The following ELOVL5 variants were observed in gnomAD, a reference collection of about 807,000 sequenced individuals.
ELOVL5 encodes the protein very long chain fatty acid elongase 5.
A neutral mutation model predicts 38.6 loss-of-function variants in ELOVL5; 8 were observed. That is an observed-to-expected ratio of 0.21 (90% CI 0.12 to 0.37). The LOEUF is 0.37. ELOVL5 is among the 10% of genes least tolerant of loss of function. The pLI is 1.00. For synonymous variants in ELOVL5, 127 were observed against 133.7 expected, an observed-to-expected ratio of 0.95 and a Z score of 0.34; for missense variants, 280 against 367.8, an observed-to-expected ratio of 0.76 and a Z score of 1.95.
At position 53,327,264 on chromosome 6, in the gene ELOVL5, G is replaced by A. The variant is rs138068420; in HGVS notation, c.-9+21553C>T. 3.8e-3 allele frequency among the ~76,000 whole-genome samples: 582 copies of A among 152,146 alleles called. 2 individuals carry two copies. The highest frequency in any genetic ancestry group is 0.012 in the African/African-American group (514 of 41,490). On this transcript the variant is annotated intron_variant, in intron 1 of 7. Transcript: ENST00000304434. Reference sequence around the variant, plus strand: ...CTGATGCCCAACCTACCCCTGTGGTGCCTCACTGCTAGGTAAATCCAACAA... The same window carrying A: ...CTGATGCCCAACCTACCCCTGTGGTACCTCACTGCTAGGTAAATCCAACAA...
chr6:53,320,845 C>T (rs1041896859), intron 1 of ELOVL5, among the ~76,000 whole-genome samples: 26 of 152,084 alleles, frequency 1.7e-4, no homozygotes, highest in Admixed American at 1.1e-3. Context: ...CCTTAGAAAC[C>T]GGCTTATTAT....
At chr6:53,310,634 GC>G (rs1767792893) in intron 1 of ELOVL5, among the ~76,000 whole-genome samples, 2 of 152,092 alleles carry the variant, frequency 1.3e-5, no homozygotes, top group South Asian at 4.2e-4. Context: ...ACAGGGTCTC[GC>G]TCTGTTCCCA....
chr6:53,336,004 C>G (rs996878630), intron 1 of ELOVL5, among the ~76,000 whole-genome samples: 26 of 152,310 alleles, frequency 1.7e-4, no homozygotes, highest in African/African-American at 6.3e-4. Flanking sequence ...ATAAGAGATA[C>G]ACACTTCTAC....
chr6:53,318,542 T>A (rs1204806632), intron 1 of ELOVL5, among the ~76,000 whole-genome samples: 2 of 152,226 alleles, frequency 1.3e-5, no homozygotes, highest in Non-Finnish European at 2.9e-5. Flanking sequence ...ACTTCCAGCC[T>A]GGGCAAAACG....
rs145535432 is a variant in ELOVL5, at chr6:53,296,824, G to A, written c.-8-1117C>T. Reference sequence around the variant, plus strand: ...CAGGAATAATCATCAATATTATAACGTCCAAGGGCAAAGGCAGAACTGATT... The same window carrying A: ...CAGGAATAATCATCAATATTATAACATCCAAGGGCAAAGGCAGAACTGATT... On this transcript the variant is annotated intron_variant, in intron 1 of 7. Transcript: ENST00000304434. 7.3e-3 allele frequency among the ~76,000 whole-genome samples: 1,113 copies of A among 152,144 alleles called. 10 individuals carry two copies. The highest frequency in any genetic ancestry group is 0.011 in the Admixed American group (166 of 15,276).
chr6:53,295,345 C>A (rs569612747), intron 2 of ELOVL5, among the ~76,000 whole-genome samples: 3 of 152,238 alleles, frequency 2.0e-5, no homozygotes, highest in Admixed American at 2.0e-4. Context: ...ACTAGTTTTT[C>A]TTAAAGACTG....
In ELOVL5 at chr6:53,269,156, C is replaced by A. The variant is rs146646780; in HGVS notation, c.871G>T (p.Val291Leu). 15 of 1,613,800 alleles carry A rather than the reference C, an allele frequency of 9.3e-6. No homozygotes were observed. Among genetic ancestry groups the A allele is most frequent in the Non-Finnish European group, 1.2e-5 (14 of 1,179,914 alleles). Reference protein sequence around the residue: ...TNSFSPLENNVKPRKLRKD With the variant: ...TNSFSPLENNLKPRKLRKD ...TCCTTCCGCAGCTTCCTTGGCTTCA[C>A]ATTGTTTTCCAGGGGTGAAAAGCTG... is the stretch of plus-strand genomic sequence containing the variant. The change falls in exon 8 of 8, where the codon GTG (valine) becomes TTG (leucine). Residue 291 changes from valine (V) to leucine (L), a missense_variant. Val to Leu is a conservative substitution (Grantham distance 32). Transcript: ENST00000304434.
chr6:53,294,595 T>C (rs776227727), intron 2 of ELOVL5: 5 of 1,384,620 alleles, frequency 3.6e-6, no homozygotes, highest in Non-Finnish European at 3.8e-6. Flanking sequence ...TGCAAGCTAA[T>C]AATTATTATT....
Position 53,298,253 on chromosome 6 carries a change from G to A in ELOVL5, c.-8-2546C>T, listed in dbSNP as rs147707795. 2.6e-3 allele frequency among the ~76,000 whole-genome samples: 402 copies of A among 152,302 alleles called. 8 individuals are homozygous for A. The highest frequency in any genetic ancestry group is 9.3e-3 in the African/African-American group (386 of 41,552). ...CAGCCAAATGAAAGGAAATAAGGAGGAACAAGGTCATAAAGGCTATGACTA... is the reference window on the plus strand; with the variant it reads ...CAGCCAAATGAAAGGAAATAAGGAGAAACAAGGTCATAAAGGCTATGACTA... On this transcript the variant is annotated intron_variant, in intron 1 of 7. Coordinates refer to ENST00000304434, the MANE Select transcript of ELOVL5 (RefSeq NM_021814.5).
chr6:53,328,825 C>T (rs373659967), intron 1 of ELOVL5, among the ~76,000 whole-genome samples: 3 of 152,170 alleles, frequency 2.0e-5, no homozygotes, highest in African/African-American at 7.2e-5. Flanking sequence ...TTAATCTCTT[C>T]GTTTACTCCT....
At chr6:53,289,470 G>A (rs1235733840) in intron 3 of ELOVL5, among the ~76,000 whole-genome samples, 2 of 152,228 alleles carry the variant, frequency 1.3e-5, no homozygotes, top group African/African-American at 4.8e-5. Flanking sequence ...TGTAATCCCT[G>A]CACTTTGGGA....
At chr6:53,330,915 C>T (rs1768774246) in intron 1 of ELOVL5, among the ~76,000 whole-genome samples, 1 of 152,132 alleles carries the variant, frequency 6.6e-6, no homozygotes, top group Admixed American at 6.5e-5. Flanking sequence ...TACATCTTGT[C>T]CCACTGGAAG....
At chr6:53,313,352 T>C (rs1028871975) in intron 1 of ELOVL5, among the ~76,000 whole-genome samples, 3 of 150,472 alleles carry the variant, frequency 2.0e-5, no homozygotes, top group East Asian at 1.9e-4. Flanking sequence ...ACATGGTACA[T>C]AGAAAACTTA....
chr6:53,333,243 T>C (rs1379661152), intron 1 of ELOVL5, among the ~76,000 whole-genome samples: 1 of 152,244 alleles, frequency 6.6e-6, no homozygotes, highest in African/African-American at 2.4e-5. Context: ...GCTTTTAAAC[T>C]AGACCTCTGA....
rs982291363 is a variant in ELOVL5 at position 53,327,989 on chromosome 6, T to G, written c.-9+20828A>C. Among the ~76,000 whole-genome samples, 6 of 152,226 alleles carry G rather than the reference T, an allele frequency of 3.9e-5. No homozygotes were observed. The East Asian group carries it at 7.7e-4, about 20-fold the overall frequency. ...AAAAGTCAGCCAATTATCAATAGCC[T>G]CCACTTTTCCACCTCCTGTATCCCT... On this transcript the variant is annotated intron_variant, in intron 1 of 7. Coordinates refer to ENST00000304434, the MANE Select transcript of ELOVL5 (RefSeq NM_021814.5).
rs1006181275 is a variant in ELOVL5, at chr6:53,268,352, C to G, written c.*775G>C. 7.2e-5 allele frequency: 11 copies of G among 152,046 alleles called. No individual in the cohort carries two copies. Among genetic ancestry groups the G allele is most frequent in the African/African-American group, 2.7e-4 (11 of 41,378 alleles). 9.4% of individuals were successfully genotyped at this position (152,046 alleles called of 1,614,324 possible). ...CAGAAATTAAAAATGGCCTACTCAC[C>G]CTACACCCTTCCTAAAATCTCGAGG... On this transcript the variant is annotated 3_prime_UTR_variant, in exon 8 of 8. Coordinates refer to ENST00000304434, the MANE Select transcript of ELOVL5 (RefSeq NM_021814.5).
chr6:53,345,023 G>A (rs527296061), intron 1 of ELOVL5, among the ~76,000 whole-genome samples: 140 of 152,332 alleles, frequency 9.2e-4, no homozygotes, highest in Non-Finnish European at 1.7e-3. Flanking sequence ...AGGTGAAGCA[G>A]CTAGCTGAGG....
intron 1 of ELOVL5, among the ~76,000 whole-genome samples, chr6:53,296,632 T>C (rs1767012686): frequency 6.6e-6 from 1 of 152,204 alleles, no homozygotes; most frequent in African/African-American, 2.4e-5. Context: ...TTGCTTATTT[T>C]CACTTAATAA....
At chr6:53,284,461 A>G (rs1243478957) in intron 3 of ELOVL5, among the ~76,000 whole-genome samples, 1 of 152,176 alleles carries the variant, frequency 6.6e-6, no homozygotes, top group East Asian at 1.9e-4. Flanking sequence ...TGCATGGTAA[A>G]CATCTATGGG....
Sources: allele counts gnomAD v4.1 joint callset (sites outside exome capture counted in the v4.1 genomes callset), GRCh38; gene constraint gnomAD v4.1.1; transcripts MANE v1.5; gene names NCBI Gene and HGNC (gene_info 2026-07-23, HGNC 2026-07-21).